The following CDYL2 variants were observed in gnomAD, a reference collection of about 807,000 sequenced individuals.
The protein encoded by CDYL2 is chromodomain Y like 2.
CDYL2 carries 23 observed loss-of-function variants against 49.4 expected under a neutral mutation model. The ratio of observed to expected loss-of-function variants is 0.47; its 90% CI spans 0.34 to 0.66. The LOEUF is 0.66. CDYL2 is among the 30% of genes least tolerant of loss of function. The pLI, the probability that CDYL2 is intolerant of heterozygous loss-of-function variation, is 0.01. For missense variants in CDYL2, 678 were observed against 656.4 expected, an observed-to-expected ratio of 1.03 and a Z score of -0.36; for synonymous variants, 360 against 268.8, an observed-to-expected ratio of 1.34 and a Z score of -3.32.
At chr16:80,681,990 T>C (rs572081081) in intron 2 of CDYL2, among the ~76,000 whole-genome samples, 25 of 152,244 alleles carry the variant, frequency 1.6e-4, no homozygotes, top group African/African-American at 5.5e-4. Context: ...CCCCACACAT[T>C]TGGCCACAAA....
intron 1 of CDYL2, among the ~76,000 whole-genome samples, chr16:80,772,119 C>T (rs186904006): frequency 9.9e-5 from 15 of 152,006 alleles, no homozygotes; most frequent in Admixed American, 7.9e-4. Context: ...AACTGCAGTC[C>T]GATAATTCTT....
chr16:80,714,166 C>T (rs558972391), intron 1 of CDYL2, among the ~76,000 whole-genome samples: 1 of 152,168 alleles, frequency 6.6e-6, no homozygotes, highest in East Asian at 1.9e-4. Context: ...AAGCACTGTC[C>T]CAGTCTCACG....
chr16:80,747,853 T>C (rs1254996798), intron 1 of CDYL2, among the ~76,000 whole-genome samples: 1 of 152,050 alleles, frequency 6.6e-6, no homozygotes, highest in Non-Finnish European at 1.5e-5. Context: ...TTGGAACCCT[T>C]CCTACCTCTG....
At chr16:80,732,238 A>G (rs1266430589) in intron 1 of CDYL2, among the ~76,000 whole-genome samples, 1 of 152,222 alleles carries the variant, frequency 6.6e-6, no homozygotes, top group African/African-American at 2.4e-5. Flanking sequence ...CATCTCTGAA[A>G]TCAGGATACA....
intron 3 of CDYL2, among the ~76,000 whole-genome samples, chr16:80,629,607 G>GCAT (rs1408661427): frequency 1.3e-5 from 2 of 152,168 alleles, no homozygotes; most frequent in African/African-American, 4.8e-5. Flanking sequence ...TCCTTAAGGG[G>GCAT]CATTTCTGTT....
chr16:80,795,544 A>G (rs1323898390), intron 1 of CDYL2, among the ~76,000 whole-genome samples: 1 of 152,194 alleles, frequency 6.6e-6, no homozygotes, highest in Non-Finnish European at 1.5e-5. Flanking sequence ...ACAACACAGA[A>G]GCATGACAAT....
chr16:80,641,367 T>C (rs1187909626), intron 2 of CDYL2, among the ~76,000 whole-genome samples: 1 of 152,102 alleles, frequency 6.6e-6, no homozygotes, highest in African/African-American at 2.4e-5. Flanking sequence ...AAAAAACTTT[T>C]ACCCTAGTAT....
At chr16:80,776,532 T>A (rs929672304) in intron 1 of CDYL2, among the ~76,000 whole-genome samples, 1 of 151,382 alleles carries the variant, frequency 6.6e-6, no homozygotes, top group African/African-American at 2.4e-5. Flanking sequence ...AATGTATAAA[T>A]AAATTCCATA....
intron 1 of CDYL2, among the ~76,000 whole-genome samples, chr16:80,744,806 G>T (rs1217878076): frequency 6.6e-6 from 1 of 152,142 alleles, no homozygotes; most frequent in Non-Finnish European, 1.5e-5. Flanking sequence ...TGTTATCTCT[G>T]TGACAGCTGG....
intron 1 of CDYL2, among the ~76,000 whole-genome samples, chr16:80,786,599 C>A (rs1907443885): frequency 6.6e-6 from 1 of 152,208 alleles, no homozygotes; most frequent in African/African-American, 2.4e-5. Flanking sequence ...TTTGACCCAG[C>A]AATCCCATTA....
intron 1 of CDYL2, among the ~76,000 whole-genome samples, chr16:80,776,880 C>G (rs936198291): frequency 1.3e-5 from 2 of 151,700 alleles, no homozygotes; most frequent in African/African-American, 4.8e-5. Context: ...TGCAATGGCA[C>G]GATCTCGACT....
Position 80,612,497 on chromosome 16 carries a change from C to T in CDYL2, c.1218+129G>A, listed in dbSNP as rs112718543. The T allele has an allele frequency of 3.5e-6, 3 of 858,878 alleles. No homozygotes were observed. The highest frequency in any genetic ancestry group is 3.5e-5 in the South Asian group (2 of 57,912). The allele number at this position is 858,878 out of a possible 1,614,324, so 53.2% of individuals were successfully genotyped here. A position where few individuals can be genotyped will look rare whatever the true frequency, so the allele number is the denominator to read the frequency against. On this transcript the variant is annotated intron_variant, in intron 5 of 6. Coordinates refer to ENST00000570137, the MANE Select transcript of CDYL2 (RefSeq NM_152342.4). This position sits in a 1 kb window ranked among gnomAD's most constrained non-coding sequence, Gnocchi z 5.0. ...CATCTGGCACTGAAGGTGTGAAGGA[C>T]ATGAGGCAGCCAAGCCAATCTGCAG...
At position 80,612,589 on chromosome 16, in the gene CDYL2, T is replaced by C. The variant is rs769794391; in HGVS notation, c.1218+37A>G. The C allele has an allele frequency of 1.5e-5, 23 of 1,558,738 alleles. No homozygotes were observed. Among genetic ancestry groups the C allele is most frequent in the South Asian group, 6.1e-5 (5 of 82,450 alleles). On this transcript the variant is annotated intron_variant, in intron 5 of 6. Coordinates refer to ENST00000570137, the MANE Select transcript of CDYL2 (RefSeq NM_152342.4). This position sits in a 1 kb window ranked among gnomAD's most constrained non-coding sequence, Gnocchi z 5.0. ...TAAACCCAAGGCAGAGGAAGGATCC[T>C]GCTGGGACCCGAATCCAGGTATCAC...
In CDYL2 at chr16:80,598,672, G is replaced by A. The variant is rs910005441; in HGVS notation, c.*5716C>T. On this transcript the variant is annotated 3_prime_UTR_variant, in exon 7 of 7. Coordinates refer to ENST00000570137, the MANE Select transcript of CDYL2 (RefSeq NM_152342.4). Reference sequence around the variant, plus strand: ...ACCAGGCCTCCACTTTTATGATATGGATACAGGCTTGGGACTACACAGTAG... The same window carrying A: ...ACCAGGCCTCCACTTTTATGATATGAATACAGGCTTGGGACTACACAGTAG... 1.3e-5 allele frequency: 2 copies of A among 152,112 alleles called. No homozygotes were observed. The highest frequency in any genetic ancestry group is 2.9e-5 in the Non-Finnish European group (2 of 68,024). 9.4% of individuals were successfully genotyped at this position (152,112 alleles called of 1,614,324 possible).
At position 80,610,256 on chromosome 16, in the gene CDYL2, G is replaced by A. The variant is rs139554739; in HGVS notation, c.1219-2021C>T. 2.1e-3 allele frequency among the ~76,000 whole-genome samples: 321 copies of A among 152,286 alleles called. 1 individual carries two copies. The highest frequency in any genetic ancestry group is 3.5e-3 in the Non-Finnish European group (235 of 68,026). On this transcript the variant is annotated intron_variant, in intron 5 of 6. Coordinates refer to ENST00000570137, the MANE Select transcript of CDYL2 (RefSeq NM_152342.4). ...GGGGGATGGAACTGCAAAGGAAGACGAGGAAGAAATCCAGTGTAAAAGCAC... is the reference window on the plus strand; with the variant it reads ...GGGGGATGGAACTGCAAAGGAAGACAAGGAAGAAATCCAGTGTAAAAGCAC...
intron 2 of CDYL2, among the ~76,000 whole-genome samples, chr16:80,679,187 T>A (rs1203201667): frequency 6.6e-6 from 1 of 151,824 alleles, no homozygotes; most frequent in East Asian, 1.9e-4. Flanking sequence ...GGGTGCATTG[T>A]GCCAGCATGT....
chr16:80,660,132 G>A (rs1478518370), intron 2 of CDYL2, among the ~76,000 whole-genome samples: 1 of 151,910 alleles, frequency 6.6e-6, no homozygotes. Flanking sequence ...ACATTTTCAG[G>A]TGTTCTAACA....
At chr16:80,623,268 T>C (rs1907162452) in intron 3 of CDYL2, among the ~76,000 whole-genome samples, 1 of 152,210 alleles carries the variant, frequency 6.6e-6, no homozygotes, top group Non-Finnish European at 1.5e-5. Flanking sequence ...GCTCCACTTC[T>C]ACCCCACAGT....
chr16:80,769,308 T>A (rs1265875076), intron 1 of CDYL2, among the ~76,000 whole-genome samples: 1 of 152,178 alleles, frequency 6.6e-6, no homozygotes, highest in Admixed American at 6.5e-5. Context: ...AAACTATTAG[T>A]AAAAGCATGA....
Sources: gnomAD v4.1 joint callset for allele counts (sites outside exome capture counted in the v4.1 genomes callset) on GRCh38, gnomAD v4.1.1 for gene constraint, Gnocchi (gnomAD v3.1) non-coding constraint, MANE v1.5 for transcripts, NCBI Gene and HGNC (gene_info 2026-07-23, HGNC 2026-07-21) for gene names.